The following TIAL1 variants were observed in gnomAD, a reference collection of about 807,000 sequenced individuals.
TIAL1 encodes the protein nucleolysin TIAR.
A neutral mutation model predicts 59.7 loss-of-function variants in TIAL1; 7 were observed. The observed-to-expected ratio is 0.12, with a 90% CI of 0.07 to 0.22. The LOEUF is 0.22. TIAL1 is among the 10% of genes least tolerant of loss of function. The pLI is 1.00. For synonymous variants in TIAL1, 149 were observed against 146.3 expected (o/e 1.02, Z -0.13); for missense variants, 225 against 462.5 (o/e 0.49, Z 4.71).
rs977943001 is a variant in TIAL1, at chr10:119,580,601, C to A, written c.372-591G>T. On this transcript the variant is annotated intron_variant, in intron 5 of 11. Coordinates refer to ENST00000436547, the MANE Select transcript of TIAL1 (RefSeq NM_003252.4). The stretch of plus-strand genomic sequence containing the variant: ...AGAAAGGAGAATAAAAAACTAACAA[C>A]AATGCTAAGCACACCAGTACGAAAA... 4.5e-5 allele frequency: 45 copies of A among 999,628 alleles called. No individual in the cohort carries two copies. The South Asian group carries it at 1.7e-3, about 38-fold the overall frequency. The allele number at this position is 999,628 out of a possible 1,614,324, so 61.9% of individuals were successfully genotyped here. A position where few individuals can be genotyped will look rare whatever the true frequency, so the allele number is the denominator to read the frequency against.
intron 5 of TIAL1, 142 bp downstream of exon 5, chr10:119,581,775 TCAAAA>T: frequency 3.0e-6 from 2 of 661,700 alleles, no homozygotes; most frequent in Non-Finnish European, 4.9e-6. Flanking sequence ...CATCCACTAC[TCAAAA>T]CAAACCAAAA....
intron 2 of TIAL1, 94 bp downstream of exon 2, chr10:119,588,058 A>G (rs1382698946): frequency 1.5e-6 from 1 of 675,022 alleles, no homozygotes; most frequent in Non-Finnish European, 2.2e-6. Context: ...AAATCTCTCC[A>G]CCAGAATAAC....
Position 119,575,377 on chromosome 10 carries a change from C to A in TIAL1, c.*288G>T. 1 of 264,146 alleles carries A rather than the reference C, an allele frequency of 3.8e-6. No individual in the cohort carries two copies. Among genetic ancestry groups the A allele is most frequent in the Non-Finnish European group, 7.3e-6 (1 of 137,274 alleles). The allele number at this position is 264,146 out of a possible 1,614,324, so 16.4% of individuals were successfully genotyped here. A position where few individuals can be genotyped will look rare whatever the true frequency, so the allele number is the denominator to read the frequency against. On this transcript the variant is annotated 3_prime_UTR_variant, in exon 12 of 12. Coordinates refer to ENST00000436547, the MANE Select transcript of TIAL1 (RefSeq NM_003252.4). ...TATCTAAGAATCAAAATGTATTAGC[C>A]ATTTTTCCTATTATATCAAAATTTG...
At position 119,582,728 on chromosome 10, in the gene TIAL1, C is replaced by A; in HGVS notation, c.130-171G>T. Reference sequence around the variant, plus strand: ...AGATTTAAAGCTAAACCTGACTTTGCACCTCAGAATACTGCTGAACTCAAA... The same window carrying A: ...AGATTTAAAGCTAAACCTGACTTTGAACCTCAGAATACTGCTGAACTCAAA... On this transcript the variant is annotated intron_variant, in intron 2 of 11. Transcript: ENST00000436547. The surrounding 1 kb of genome is among the most constrained non-coding windows in gnomAD (Gnocchi z 5.1). The A allele has an allele frequency of 9.8e-7, 1 of 1,015,738 alleles. No individual in the cohort carries two copies. Among genetic ancestry groups the A allele is most frequent in the Non-Finnish European group, 1.3e-6 (1 of 743,532 alleles). The allele number at this position is 1,015,738 out of a possible 1,614,324, so 62.9% of individuals were successfully genotyped here.
intron 2 of TIAL1, among the ~76,000 whole-genome samples, chr10:119,585,250 C>A (rs1845507174): frequency 6.6e-6 from 1 of 151,646 alleles, no homozygotes; most frequent in Non-Finnish European, 1.5e-5. Context: ...TAGGACCAGC[C>A]AGAAGTTCGG....
Position 119,588,141 on chromosome 10 carries a change from G to T in TIAL1, c.129+11C>A. On this transcript the variant is annotated intron_variant, in intron 2 of 11. Transcript: ENST00000436547. ...GCTAATTGTCAGCACATGGAACTGG[G>T]AAGATCTTACCTCTGTTATCATTTT... is the stretch of plus-strand genomic sequence containing the variant. The T allele has an allele frequency of 6.7e-7, 1 of 1,502,658 alleles. No individual in the cohort carries two copies. Among genetic ancestry groups the T allele is most frequent in the South Asian group, 1.3e-5 (1 of 75,468 alleles). The allele number at this position is 1,502,658 out of a possible 1,614,324, so 93.1% of individuals were successfully genotyped here. A position where few individuals can be genotyped will look rare whatever the true frequency, so the allele number is the denominator to read the frequency against.
intron 1 of TIAL1, among the ~76,000 whole-genome samples, chr10:119,594,371 GCA>G (rs1442792145): frequency 6.6e-6 from 1 of 152,146 alleles, no homozygotes; most frequent in Non-Finnish European, 1.5e-5. Flanking sequence ...CATCAAAAAA[GCA>G]CATTCTTTAG....
chr10:119,580,349 C>T, intron 5 of TIAL1: 1 of 322,632 alleles, frequency 3.1e-6, no homozygotes, highest in Non-Finnish European at 4.8e-6. Context: ...ATTACTGTAA[C>T]AATACTAACT....
In TIAL1 at chr10:119,578,736, A is replaced by G. The variant is rs2133961208; in HGVS notation, c.546T>C (p.Ser182=). ...GTGGACATATCTTACTTTCTTGTGT[A>G]CTTTTAGGTGCAGGTGGTTTACGAG... ...WATRKPPAPK[S]TQENNTKQLR... is the part of the protein sequence containing the mutation. Residue 182 remains serine, a synonymous_variant, in exon 7 of 12, where the codon AGT becomes AGC. Transcript: ENST00000436547. The G allele has an allele frequency of 6.2e-7, 1 of 1,613,874 alleles. No individual in the cohort carries two copies. Among genetic ancestry groups the G allele is most frequent in the Non-Finnish European group, 8.5e-7 (1 of 1,179,702 alleles).
chr10:119,579,847 A>G, intron 6 of TIAL1, 88 bp downstream of exon 6: 1 of 976,670 alleles, frequency 1.0e-6, no homozygotes, highest in East Asian at 2.8e-5. Context: ...TTAACATTCA[A>G]GTATATTCAA....
chr10:119,590,406 T>C (rs1213164053), intron 1 of TIAL1, among the ~76,000 whole-genome samples: 7 of 152,096 alleles, frequency 4.6e-5, no homozygotes. Context: ...AGAGTAGACC[T>C]ATCTGTAAGA....
intron 1 of TIAL1, among the ~76,000 whole-genome samples, chr10:119,594,036 G>A (rs1009842904): frequency 1.3e-5 from 2 of 150,968 alleles, no homozygotes; most frequent in Non-Finnish European, 1.5e-5. Context: ...GTGCTGTGGG[G>A]GTAAGACCTA....
At chr10:119,592,267 T>C (rs1411801137) in intron 1 of TIAL1, 1 of 152,218 alleles carries the variant, frequency 6.6e-6, no homozygotes, top group Non-Finnish European at 1.5e-5. Context: ...TAGAGTCTAT[T>C]TTGTCTTCTA....
At chr10:119,580,082 C>A (rs1222865269) in intron 5 of TIAL1, 72 bp from the exon 6 acceptor site, 2 of 1,236,604 alleles carry the variant, frequency 1.6e-6, no homozygotes, top group Non-Finnish European at 2.3e-6. Context: ...AGGAACCACA[C>A]ACACTGTATT....
Position 119,582,587 on chromosome 10 carries a change from T to C in TIAL1, c.130-30A>G. Reference sequence around the variant, plus strand: ...AAAACAGAAAATCCAACAGAAGAGTTGACCCTTCTGCTATCGGGTTGCTGA... The same window carrying C: ...AAAACAGAAAATCCAACAGAAGAGTCGACCCTTCTGCTATCGGGTTGCTGA... On this transcript the variant is annotated intron_variant, in intron 2 of 11. Coordinates refer to ENST00000436547, the MANE Select transcript of TIAL1 (RefSeq NM_003252.4). The surrounding 1 kb of genome is among the most constrained non-coding windows in gnomAD (Gnocchi z 5.1). 1 of 1,604,310 alleles carries C rather than the reference T, an allele frequency of 6.2e-7. No homozygotes were observed. The highest frequency in any genetic ancestry group is 8.5e-7 in the Non-Finnish European group (1 of 1,176,814).
chr10:119,573,865 C>T lies in TIAL1; in HGVS notation c.*1800G>A, dbSNP rs1373347127. 6.6e-6 allele frequency: 1 copy of T among 152,066 alleles called. No homozygotes were observed. The highest frequency in any genetic ancestry group is 1.9e-4 in the East Asian group (1 of 5,190). 9.4% of individuals were successfully genotyped at this position (152,066 alleles called of 1,614,324 possible). A position where few individuals can be genotyped will look rare whatever the true frequency, so the allele number is the denominator to read the frequency against. On this transcript the variant is annotated 3_prime_UTR_variant, in exon 12 of 12. Coordinates refer to ENST00000436547, the MANE Select transcript of TIAL1 (RefSeq NM_003252.4). ...ATTTGGCCCAGCTATGAATTTCAGA[C>T]CCTATGAATTTTTATGTTGAATACA...
rs1846212266 is a variant in TIAL1 at position 119,596,573 on chromosome 10, GA to G, written c.-109del. ...CTCTGGGCACCGGCTGGGGACAGAG[GA>G]AAAGGCACCGAACCCTGCTCTCGGG... On this transcript the variant is annotated 5_prime_UTR_variant, in exon 1 of 12. Transcript: ENST00000436547. The G allele has an allele frequency of 6.6e-6, 6 of 905,650 alleles. No individual in the cohort carries two copies. Among genetic ancestry groups the G allele is most frequent in the African/African-American group, 1.7e-5 (1 of 60,458 alleles). 56.1% of individuals were successfully genotyped at this position (905,650 alleles called of 1,614,324 possible).
rs769629749 is a variant in TIAL1, at chr10:119,596,500, G to A, written c.-35C>T. ...GACGGAGCGATCCCGGGACAAGGGG[G>A]AGGGCAGGGTTGGGGAGGGGAGGGG... On this transcript the variant is annotated 5_prime_UTR_variant, in exon 1 of 12. Coordinates refer to ENST00000436547, the MANE Select transcript of TIAL1 (RefSeq NM_003252.4). 6 of 1,460,044 alleles carry A rather than the reference G, an allele frequency of 4.1e-6. No individual in the cohort carries two copies. In the African/African-American group the frequency reaches 5.6e-5, roughly 14 times the overall value. The allele number at this position is 1,460,044 out of a possible 1,614,324, so 90.4% of individuals were successfully genotyped here.
At chr10:119,590,750 CAGAGAGAA>C (rs1055881232) in intron 1 of TIAL1, among the ~76,000 whole-genome samples, 10 of 72,930 alleles carry the variant, frequency 1.4e-4, no homozygotes, top group African/African-American at 2.4e-4. Flanking sequence ...GAGAGAGAGA[CAGAGAGAA>C]AGAGAGAAAG....
Sources: allele counts gnomAD v4.1 joint callset (sites outside exome capture counted in the v4.1 genomes callset), GRCh38; gene constraint gnomAD v4.1.1; non-coding constraint Gnocchi (gnomAD v3.1); transcripts MANE v1.5; gene names NCBI Gene and HGNC (gene_info 2026-07-23, HGNC 2026-07-21).